The following CRISP1 variants were observed in gnomAD, a reference collection of about 807,000 sequenced individuals.
CRISP1 encodes the protein cysteine rich secretory protein 1.
In CRISP1, 44 loss-of-function variants were observed where a neutral mutation model predicts 33.1. The ratio of observed to expected loss-of-function variants is 1.33; its 90% CI spans 1.05 to 1.71. The LOEUF (loss-of-function observed/expected upper bound fraction) is 1.71. Among genes scored for constraint, CRISP1 ranks in the 40% most tolerant of loss-of-function variants. CRISP1 has a pLI of 0.00. For synonymous variants in CRISP1, 103 were observed against 98.7 expected (o/e 1.04, Z -0.26); for missense variants, 390 against 301.2 (o/e 1.29, Z -2.18).
At chr6:49,871,514 T>C (rs1423788350), upstream of CRISP1, among the ~76,000 whole-genome samples, 1 of 151,246 alleles carries the variant, frequency 6.6e-6, no homozygotes, top group Non-Finnish European at 1.5e-5. Flanking sequence ...CAGGTACACA[T>C]TAAAAAGGGA....
At chr6:49,845,642 T>C (rs1434625726) in intron 5 of CRISP1, among the ~76,000 whole-genome samples, 1 of 151,350 alleles carries the variant, frequency 6.6e-6, no homozygotes, top group African/African-American at 2.4e-5. Context: ...CCCAAAACAA[T>C]TGAAAGCAAG....
At chr6:49,841,237 GA>G (rs1770977472) in intron 5 of CRISP1, among the ~76,000 whole-genome samples, 1 of 152,146 alleles carries the variant, frequency 6.6e-6, no homozygotes, top group Non-Finnish European at 1.5e-5. Context: ...CGGGGAGGAT[GA>G]CTTGATGATT....
intron 1 of CRISP1, among the ~76,000 whole-genome samples, chr6:49,875,663 A>C (rs1772020174): frequency 1.3e-5 from 2 of 152,186 alleles, no homozygotes; most frequent in Non-Finnish European, 2.9e-5. Flanking sequence ...ACAAGGCTAC[A>C]GTAATCAAAA....
intron 5 of CRISP1, among the ~76,000 whole-genome samples, chr6:49,846,028 G>A (rs191900608): frequency 2.5e-4 from 38 of 152,186 alleles, no homozygotes; most frequent in Non-Finnish European, 4.3e-4. Flanking sequence ...ACAGAGTTTC[G>A]GTTTGGGAAA....
intron 2 of CRISP1, among the ~76,000 whole-genome samples, chr6:49,855,984 A>G (rs1034625772): frequency 4.6e-5 from 7 of 152,210 alleles, no homozygotes; most frequent in African/African-American, 7.2e-5. Context: ...CCTTTATTTT[A>G]TGACCAAACT....
intron 5 of CRISP1, among the ~76,000 whole-genome samples, chr6:49,843,540 G>A (rs922961998): frequency 6.6e-6 from 1 of 152,140 alleles, no homozygotes; most frequent in Non-Finnish European, 1.5e-5. Flanking sequence ...AACTATGCTG[G>A]CACTCTAATC....
At position 49,840,946 on chromosome 6, in the gene CRISP1, C is replaced by T. The variant is rs758435165; in HGVS notation, c.485G>A (p.Arg162His). The change falls in exon 6 of 8, where the codon CGC (arginine) becomes CAC (histidine). Residue 162 changes from arginine to histidine, a missense_variant. Physicochemically the swap from Arg to His is conservative, Grantham distance 29 (BLOSUM62 0). Coordinates refer to ENST00000335847, the MANE Select transcript of CRISP1 (RefSeq NM_001131.3). ...YLIGCAIASC[R>H]QQGSPRYLYV... is the part of the protein sequence containing the mutation. The stretch of plus-strand genomic sequence containing the variant: ...GAGATATCGAGGTGATCCTTGTTGG[C>T]GGCAAGATGCAATGGCACAGCCAAT... 69 of 1,613,724 alleles carry T rather than the reference C, an allele frequency of 4.3e-5. No individual in the cohort carries two copies. The highest frequency in any genetic ancestry group is 1.6e-4 in the Middle Eastern group (1 of 6,084).
intron 1 of CRISP1, 121 bp downstream of exon 1, chr6:49,866,308 A>G (rs189679309): frequency 1.3e-4 from 20 of 152,340 alleles, no homozygotes; most frequent in Admixed American, 1.1e-3. Context: ...TTTAGATAAC[A>G]ATAGCATTAG....
intron 1 of CRISP1, among the ~76,000 whole-genome samples, chr6:49,875,151 A>G (rs1772009163): frequency 6.6e-6 from 1 of 152,042 alleles, no homozygotes; most frequent in South Asian, 2.1e-4. Context: ...TCCTATATAT[A>G]GAAAACTCCA....
intron 5 of CRISP1, among the ~76,000 whole-genome samples, chr6:49,842,559 G>T (rs1036283975): frequency 6.6e-6 from 1 of 152,058 alleles, no homozygotes; most frequent in African/African-American, 2.4e-5. Flanking sequence ...AGAAAATGTC[G>T]GAAAATGTCT....
At chr6:49,848,565 A>G (rs756973281) in intron 3 of CRISP1, among the ~76,000 whole-genome samples, 37 of 152,180 alleles carry the variant, frequency 2.4e-4, no homozygotes, top group Non-Finnish European at 5.1e-4. Context: ...GAATTTAAGT[A>G]AATGCTTCCA....
chr6:49,846,351 G>A (rs867979337), intron 5 of CRISP1, among the ~76,000 whole-genome samples, 169 bp downstream of exon 5: 2 of 152,096 alleles, frequency 1.3e-5, no homozygotes, highest in African/African-American at 2.4e-5. Context: ...TCTCTAAGTC[G>A]TATTTTGAAC....
At chr6:49,847,063 T>C (rs893491563) in intron 4 of CRISP1, among the ~76,000 whole-genome samples, 1 of 152,154 alleles carries the variant, frequency 6.6e-6, no homozygotes, top group Non-Finnish European at 1.5e-5. Flanking sequence ...TATTTAGCCA[T>C]TCATGTATGG....
chr6:49,876,564 A>G (rs142485257), intron 1 of CRISP1, among the ~76,000 whole-genome samples: 1 of 151,892 alleles, frequency 6.6e-6, no homozygotes, highest in African/African-American at 2.4e-5. Context: ...TAAATATTAT[A>G]TTATAAAGAT....
chr6:49,834,616 T>C lies in CRISP1; in HGVS notation c.*700A>G, dbSNP rs892335019. On this transcript the variant is annotated 3_prime_UTR_variant, in exon 8 of 8. Transcript: ENST00000335847. Reference sequence around the variant, plus strand: ...AGGGACTTAATTTCTCATATTATGCTATTTTATATATCTTTTATACTGCCT... The same window carrying C: ...AGGGACTTAATTTCTCATATTATGCCATTTTATATATCTTTTATACTGCCT... The C allele has an allele frequency of 1.3e-5, 2 of 152,192 alleles. No homozygotes were observed. The highest frequency in any genetic ancestry group is 2.9e-5 in the Non-Finnish European group (2 of 68,020). 9.4% of individuals were successfully genotyped at this position (152,192 alleles called of 1,614,324 possible).
intron 1 of CRISP1, among the ~76,000 whole-genome samples, chr6:49,859,889 A>G (rs1441767391): frequency 6.6e-6 from 1 of 152,134 alleles, no homozygotes; most frequent in East Asian, 1.9e-4. Flanking sequence ...GTAAAGATAG[A>G]TATAGACTGA....
chr6:49,855,085 C>T lies in CRISP1; in HGVS notation c.66+2250G>A, dbSNP rs1771456588. ...TGACTAAACTTTCAGTGTAGAAATA[C>T]TCTTTCTTTTGGTGTAAGGAACAAA... On this transcript the variant is annotated intron_variant, in intron 2 of 7. Transcript: ENST00000335847. 2.6e-5 allele frequency among the ~76,000 whole-genome samples: 4 copies of T among 152,054 alleles called. No individual in the cohort carries two copies. The South Asian group carries it at 8.3e-4, about 32-fold the overall frequency.
intron 1 of CRISP1, among the ~76,000 whole-genome samples, chr6:49,861,595 C>T (rs1284561375): frequency 1.3e-5 from 2 of 151,968 alleles, no homozygotes; most frequent in Non-Finnish European, 2.9e-5. Context: ...TTGAAAGAAC[C>T]TAGCTCGGCC....
intron 1 of CRISP1, among the ~76,000 whole-genome samples, chr6:49,872,632 T>TC (rs1245732809): frequency 6.6e-6 from 1 of 152,146 alleles, no homozygotes; most frequent in East Asian, 1.9e-4. Flanking sequence ...TAGCCAGTTT[T>TC]CCCAGCACCA....
Sources: gnomAD v4.1 joint callset for allele counts (sites outside exome capture counted in the v4.1 genomes callset) on GRCh38, gnomAD v4.1.1 for gene constraint, MANE v1.5 for transcripts, NCBI Gene and HGNC (gene_info 2026-07-23, HGNC 2026-07-21) for gene names.